BCAS1: variants seen among roughly 807,000 people sequenced by gnomAD.
BCAS1 encodes the protein brain enriched myelin associated protein 1.
A neutral mutation model predicts 65.4 loss-of-function variants in BCAS1; 46 were observed. That is an observed-to-expected ratio of 0.70 (90% CI 0.55 to 0.90). The LOEUF is 0.90. Ranked by LOEUF, BCAS1 falls within the 40% of genes least tolerant of loss-of-function variation. The probability of loss-of-function intolerance (pLI) is 0.00; values close to 1 mark genes in which losing one functional copy is unlikely to be tolerated. For synonymous variants in BCAS1, 298 were observed against 293.5 expected (o/e 1.02, Z -0.16); for missense variants, 793 against 771.2 (o/e 1.03, Z -0.33).
At chr20:54,021,902 C>A (rs1023912817) in intron 4 of BCAS1, among the ~76,000 whole-genome samples, 7 of 151,548 alleles carry the variant, frequency 4.6e-5, no homozygotes, top group African/African-American at 1.7e-4. Context: ...TACCCCAGAA[C>A]TTAAAATAAA....
At chr20:53,965,956 T>C (rs1241927800) in intron 10 of BCAS1, among the ~76,000 whole-genome samples, 4 of 151,742 alleles carry the variant, frequency 2.6e-5, no homozygotes, top group Admixed American at 2.0e-4. Context: ...GCAACCACAA[T>C]TAAAAGGCCG....
At chr20:54,038,712 C>T (rs1413229972) in intron 3 of BCAS1, among the ~76,000 whole-genome samples, 1 of 151,308 alleles carries the variant, frequency 6.6e-6, no homozygotes. Flanking sequence ...ACAAAGTGTC[C>T]ATGTATGAAC....
intron 12 of BCAS1, among the ~76,000 whole-genome samples, chr20:53,945,404 C>T: frequency 7.1e-6 from 1 of 141,796 alleles, no homozygotes; most frequent in East Asian, 2.3e-4. Flanking sequence ...TTATTTTCTT[C>T]TTTTTTTTTT....
At chr20:54,015,832 A>G (rs1295493250) in intron 4 of BCAS1, among the ~76,000 whole-genome samples, 1 of 152,248 alleles carries the variant, frequency 6.6e-6, no homozygotes, top group East Asian at 1.9e-4. Flanking sequence ...AGTCTAGAGG[A>G]GGAATCGAGA....
chr20:53,979,339 C>T (rs2090419225), intron 8 of BCAS1, among the ~76,000 whole-genome samples: 1 of 152,144 alleles, frequency 6.6e-6, no homozygotes, highest in Non-Finnish European at 1.5e-5. Flanking sequence ...GGGTAGGGTG[C>T]TGGTGGCTGG....
At chr20:54,051,881 G>T (rs1375515212) in intron 3 of BCAS1, among the ~76,000 whole-genome samples, 1 of 152,044 alleles carries the variant, frequency 6.6e-6, no homozygotes, top group Non-Finnish European at 1.5e-5. Context: ...TGGGATTACA[G>T]ACGTGTGTCA....
chr20:53,957,429 T>TA lies in BCAS1; in HGVS notation c.1551+2dup, dbSNP rs1600704977. ...CCACCAAACTGAGTTCGAGGTCACT[T>TA]ACTTGGCAGCTGGAGTCTTTCCCAT... On this transcript the variant is annotated splice_region_variant and intron_variant, in intron 11 of 12. Coordinates refer to ENST00000688948, the MANE Select transcript of BCAS1 (RefSeq NM_001366298.2). 3.1e-6 allele frequency: 5 copies of TA among 1,613,374 alleles called. No individual in the cohort carries two copies. Among genetic ancestry groups the TA allele is most frequent in the Non-Finnish European group, 4.2e-6 (5 of 1,179,266 alleles).
At chr20:53,982,882 G>A (rs1568841459) in intron 8 of BCAS1, among the ~76,000 whole-genome samples, 2 of 152,128 alleles carry the variant, frequency 1.3e-5, no homozygotes, top group African/African-American at 4.8e-5. Flanking sequence ...CACAAATAAA[G>A]TAATTACAAT....
chr20:53,971,802 C>G (rs1473171012), intron 9 of BCAS1, among the ~76,000 whole-genome samples: 2 of 152,150 alleles, frequency 1.3e-5, no homozygotes, highest in Non-Finnish European at 2.9e-5. Flanking sequence ...ACAGAAGTAC[C>G]TGTTTCCATG....
intron 4 of BCAS1, among the ~76,000 whole-genome samples, chr20:54,002,196 G>T (rs6127052): frequency 0.17 from 25,248 of 151,894 alleles, 2,343 homozygotes; most frequent in East Asian, 0.27. Context: ...ATGAACTCTG[G>T]CCACCTTGGG....
intron 6 of BCAS1, 58 bp downstream of exon 6, chr20:53,994,954 C>T: frequency 1.4e-6 from 2 of 1,477,588 alleles, no homozygotes; most frequent in Non-Finnish European, 1.9e-6. Flanking sequence ...AGACACAAAT[C>T]CAAATCCAAT....
At chr20:53,987,751 G>T (rs2090650030) in intron 7 of BCAS1, among the ~76,000 whole-genome samples, 1 of 152,150 alleles carries the variant, frequency 6.6e-6, no homozygotes, top group African/African-American at 2.4e-5. Flanking sequence ...AAATCAAGGA[G>T]TTTGATCCAC....
At chr20:53,954,655 A>G (rs1453522379) in intron 11 of BCAS1, among the ~76,000 whole-genome samples, 2 of 152,232 alleles carry the variant, frequency 1.3e-5, no homozygotes, top group Non-Finnish European at 2.9e-5. Context: ...AAATCCAAAA[A>G]TCTAGTAAAT....
chr20:54,069,317 A>G (rs1390155621), intron 1 of BCAS1, among the ~76,000 whole-genome samples: 1 of 152,168 alleles, frequency 6.6e-6, no homozygotes, highest in East Asian at 1.9e-4. Context: ...AATTTGTGAA[A>G]ATCAAAATTA....
rs935908985 is a variant in BCAS1 at position 53,953,643 on chromosome 20, C to G, written c.1604G>C (p.Gly535Ala). The change falls in exon 12 of 13, where the codon GGA becomes GCA. Residue 535 changes from glycine to alanine, a missense_variant. Physicochemically the swap from Gly to Ala is moderately conservative, Grantham distance 60 (BLOSUM62 0). Transcript: ENST00000688948. ...GCCCTCTTTACCCTTCTGTGGTGCTCCTGTTGGTTCAGGCTCTGGCGGTGT... is the reference window on the plus strand; with the variant it reads ...GCCCTCTTTACCCTTCTGTGGTGCTGCTGTTGGTTCAGGCTCTGGCGGTGT... The part of the protein sequence containing the change: ...TITPPEPEPT[G>A]APQKGKEGSS... 2 of 1,613,876 alleles carry G rather than the reference C, an allele frequency of 1.2e-6. No homozygotes were observed. Among genetic ancestry groups the G allele is most frequent in the Non-Finnish European group, 1.7e-6 (2 of 1,179,982 alleles).
chr20:54,045,219 A>AC (rs2092080257), intron 3 of BCAS1, among the ~76,000 whole-genome samples: 3 of 150,534 alleles, frequency 2.0e-5, no homozygotes, highest in Non-Finnish European at 3.0e-5. Context: ...TCAAAAAAAA[A>AC]AAAAAAACAA....
rs2089256359 is a variant in BCAS1, at chr20:53,944,868, AAGG to A, written c.*51_*53del. On this transcript the variant is annotated 3_prime_UTR_variant, in exon 13 of 13. Coordinates refer to ENST00000688948, the MANE Select transcript of BCAS1 (RefSeq NM_001366298.2). Reference sequence around the variant, plus strand: ...AGCGTGTTTGGGGAGGAGATGGAGTAAGGAGAACACATCTTGGTGGCAGGAGAA... The same window carrying A: ...AGCGTGTTTGGGGAGGAGATGGAGTAAGAACACATCTTGGTGGCAGGAGAA... The A allele has an allele frequency of 6.7e-7, 1 of 1,492,840 alleles. No homozygotes were observed. Among genetic ancestry groups the A allele is most frequent in the Non-Finnish European group, 9.3e-7 (1 of 1,069,668 alleles). The allele number at this position is 1,492,840 out of a possible 1,614,324, so 92.5% of individuals were successfully genotyped here.
intron 9 of BCAS1, among the ~76,000 whole-genome samples, chr20:53,974,317 C>G (rs1462129236): frequency 6.6e-6 from 1 of 152,136 alleles, no homozygotes; most frequent in Non-Finnish European, 1.5e-5. Context: ...GGGTCTGTGC[C>G]ACCTTTAAGA....
intron 9 of BCAS1, among the ~76,000 whole-genome samples, chr20:53,974,715 G>T (rs2090278449): frequency 6.6e-6 from 1 of 152,204 alleles, no homozygotes; most frequent in Admixed American, 6.5e-5. Flanking sequence ...GAGAGCTGTT[G>T]TTTTGGGTCT....
Sources: gnomAD v4.1 joint callset for allele counts (sites outside exome capture counted in the v4.1 genomes callset) on GRCh38, gnomAD v4.1.1 for gene constraint, MANE v1.5 for transcripts, NCBI Gene and HGNC (gene_info 2026-07-23, HGNC 2026-07-21) for gene names.